SUPT3H: variants seen among roughly 807,000 people sequenced by gnomAD.
SUPT3H encodes transcription initiation protein SPT3 homolog.
A neutral mutation model predicts 44.3 loss-of-function variants in SUPT3H; 44 were observed. The observed-to-expected ratio is 0.99, with a 90% CI of 0.78 to 1.28. The LOEUF is 1.28. Among genes scored for constraint, SUPT3H ranks in the 50% most tolerant of loss-of-function variants. The probability of loss-of-function intolerance (pLI) is 0.00; values close to 1 mark genes in which losing one functional copy is unlikely to be tolerated. For synonymous variants in SUPT3H, 124 were observed against 125.6 expected (o/e 0.99, Z 0.09); for missense variants, 380 against 387.1 (o/e 0.98, Z 0.15).
At chr6:45,124,927 GAC>G (rs1802209149) in intron 2 of SUPT3H, among the ~76,000 whole-genome samples, 1 of 152,074 alleles carries the variant, frequency 6.6e-6, no homozygotes, top group Admixed American at 6.6e-5. Context: ...CACAGAGACA[GAC>G]ACACACAGAG....
intron 10 of SUPT3H, among the ~76,000 whole-genome samples, chr6:44,896,447 G>T (rs1273795550): frequency 6.6e-6 from 1 of 152,128 alleles, no homozygotes; most frequent in Non-Finnish European, 1.5e-5. Flanking sequence ...TAAAGAAACT[G>T]AGTTACAGAG....
chr6:45,040,954 C>T (rs566680590), intron 3 of SUPT3H, among the ~76,000 whole-genome samples: 3 of 152,246 alleles, frequency 2.0e-5, no homozygotes, highest in East Asian at 3.9e-4. Context: ...TCTTAGCAAA[C>T]AAATCTCACC....
At chr6:45,309,120 T>A (rs1783573138) in intron 2 of SUPT3H, among the ~76,000 whole-genome samples, 1 of 149,962 alleles carries the variant, frequency 6.7e-6, no homozygotes, top group African/African-American at 2.5e-5. Flanking sequence ...GATAACACTG[T>A]GAGTGTTTAT....
intron 3 of SUPT3H, among the ~76,000 whole-genome samples, chr6:45,100,509 C>G (rs566330772): frequency 1.7e-5 from 2 of 119,730 alleles, no homozygotes; most frequent in South Asian, 5.8e-4. Flanking sequence ...GAGTTTGAGA[C>G]CAGTCTGGGC....
At chr6:45,351,768 T>C (rs755308756) in intron 2 of SUPT3H, among the ~76,000 whole-genome samples, 5 of 152,140 alleles carry the variant, frequency 3.3e-5, no homozygotes, top group Non-Finnish European at 7.4e-5. Flanking sequence ...CAAATTTCAA[T>C]AGCCTTCTGC....
At chr6:45,286,685 G>A (rs1214136482) in intron 2 of SUPT3H, among the ~76,000 whole-genome samples, 2 of 152,156 alleles carry the variant, frequency 1.3e-5, no homozygotes, top group African/African-American at 2.4e-5. Context: ...TCAGTGTGGC[G>A]ATTCCTCAGG....
Position 44,839,463 on chromosome 6 carries a change from G to A in SUPT3H, c.913-9606C>T, listed in dbSNP as rs555207767. Among the ~76,000 whole-genome samples the A allele has an allele frequency of 3.0e-4, 46 of 151,838 alleles. 1 individual carries two copies. The South Asian group carries it at 5.4e-3, about 18-fold the overall frequency. On this transcript the variant is annotated intron_variant, in intron 10 of 10. Transcript: ENST00000371459. Reference sequence around the variant, plus strand: ...TGGGACTGCAGGTGTGCACCACCACGCTCAGCTAATTAAAAAAATTTTTTT... The same window carrying A: ...TGGGACTGCAGGTGTGCACCACCACACTCAGCTAATTAAAAAAATTTTTTT...
chr6:44,942,333 G>A (rs1339586109), intron 9 of SUPT3H, among the ~76,000 whole-genome samples: 1 of 152,048 alleles, frequency 6.6e-6, no homozygotes, highest in African/African-American at 2.4e-5. Flanking sequence ...ACTGTAGACT[G>A]ATCAAAACCA....
chr6:44,820,604 T>C (rs1483581812), intron 11 of SUPT3H, among the ~76,000 whole-genome samples: 1 of 152,234 alleles, frequency 6.6e-6, no homozygotes, highest in African/African-American at 2.4e-5. Context: ...CAACACGTAT[T>C]ATGTGTCATG....
At chr6:45,063,054 T>C (rs1202931301) in intron 3 of SUPT3H, among the ~76,000 whole-genome samples, 5 of 149,550 alleles carry the variant, frequency 3.3e-5, no homozygotes, top group Non-Finnish European at 7.4e-5. Flanking sequence ...CAGACTTAAG[T>C]GTCCCTGTCT....
intron 3 of SUPT3H, among the ~76,000 whole-genome samples, chr6:45,104,014 T>G (rs1798938992): frequency 6.6e-6 from 1 of 152,074 alleles, no homozygotes; most frequent in South Asian, 2.1e-4. Flanking sequence ...GATAAAGATA[T>G]GTTCAGATGA....
chr6:45,321,697 C>T, intron 2 of SUPT3H: 1 of 864,812 alleles, frequency 1.2e-6, no homozygotes. Context: ...AGCACCAGAT[C>T]TTTCTCTAAA....
intron 3 of SUPT3H, among the ~76,000 whole-genome samples, chr6:45,105,488 T>C (rs1341706293): frequency 6.6e-6 from 1 of 152,164 alleles, no homozygotes; most frequent in Admixed American, 6.5e-5. Context: ...TCAGTGCATA[T>C]AAAAGCTATG....
intron 2 of SUPT3H, among the ~76,000 whole-genome samples, chr6:45,341,074 C>G (rs1390044023): frequency 6.6e-6 from 1 of 151,842 alleles, no homozygotes; most frequent in Non-Finnish European, 1.5e-5. Context: ...CTGTGCCTAC[C>G]AAAAAAATAC....
chr6:45,213,133 G>C (rs1764404877), intron 2 of SUPT3H, among the ~76,000 whole-genome samples: 1 of 152,136 alleles, frequency 6.6e-6, no homozygotes, highest in Non-Finnish European at 1.5e-5. Flanking sequence ...ATATCCTGAA[G>C]AGTGACATGA....
intron 2 of SUPT3H, among the ~76,000 whole-genome samples, chr6:45,180,807 G>A (rs1302015966): frequency 2.6e-5 from 4 of 151,896 alleles, no homozygotes; most frequent in South Asian, 2.1e-4. Context: ...CATAGGCATG[G>A]GCAAGGACTT....
intron 11 of SUPT3H, among the ~76,000 whole-genome samples, chr6:44,813,942 C>T (rs1359922588): frequency 3.3e-5 from 5 of 151,884 alleles, no homozygotes; most frequent in Non-Finnish European, 7.4e-5. Flanking sequence ...TGGATAGGAT[C>T]TAAAAAAATC....
intron 2 of SUPT3H, among the ~76,000 whole-genome samples, chr6:45,203,653 G>A (rs1284958): frequency 0.035 from 5,317 of 152,136 alleles, 124 homozygotes; most frequent in Non-Finnish European, 0.056. Context: ...TCTTTAACAC[G>A]ACATGTGTTG....
intron 10 of SUPT3H, among the ~76,000 whole-genome samples, chr6:44,906,923 C>T (rs540885130): frequency 5.3e-4 from 81 of 152,316 alleles, no homozygotes; most frequent in South Asian, 4.1e-3. Flanking sequence ...CCATGAATTT[C>T]ATAGACTTTC....
Sources: allele counts gnomAD v4.1 joint callset (sites outside exome capture counted in the v4.1 genomes callset), GRCh38; gene constraint gnomAD v4.1.1; transcripts MANE v1.5; gene names NCBI Gene and HGNC (gene_info 2026-07-23, HGNC 2026-07-21).